KLHL25: variants seen among roughly 807,000 people sequenced by gnomAD.
KLHL25 encodes kelch like family member 25.
KLHL25 carries 41 observed loss-of-function variants against 30.0 expected under a neutral mutation model. The ratio of observed to expected loss-of-function variants is 1.37; its 90% confidence interval spans 1.07 to 1.78. KLHL25 has a LOEUF of 1.78. Among genes scored for constraint, KLHL25 ranks in the 40% most tolerant of loss-of-function variants. The pLI, the probability that KLHL25 is intolerant of heterozygous loss-of-function variation, is 0.00. For missense variants in KLHL25, 971 were observed against 824.5 expected (o/e 1.18, Z -2.18); for synonymous variants, 399 against 355.3 (o/e 1.12, Z -1.38).
At chr15:85,776,444 G>A (rs760269162) in intron 1 of KLHL25, among the ~76,000 whole-genome samples, 4 of 140,610 alleles carry the variant, frequency 2.8e-5, no homozygotes, top group Non-Finnish European at 1.6e-5. Flanking sequence ...AGCCAAGATC[G>A]TGCCACTGCA....
intron 1 of KLHL25, among the ~76,000 whole-genome samples, chr15:85,774,817 T>A (rs769803271): frequency 8.6e-5 from 13 of 151,810 alleles, no homozygotes; most frequent in Non-Finnish European, 1.3e-4. Flanking sequence ...CCAATCCGTA[T>A]GGCCCCCTGG....
chr15:85,779,683 T>A (rs2089731741), intron 1 of KLHL25, among the ~76,000 whole-genome samples: 2 of 152,344 alleles, frequency 1.3e-5, no homozygotes, highest in South Asian at 4.1e-4. Context: ...GTTGCCATTT[T>A]CCTATTCTGC....
intron 1 of KLHL25, among the ~76,000 whole-genome samples, chr15:85,777,699 C>T (rs1051749643): frequency 2.6e-5 from 4 of 152,202 alleles, no homozygotes; most frequent in Admixed American, 6.5e-5. Context: ...TTGAGAGGGA[C>T]GCCTTCTCCA....
chr15:85,793,511 G>A (rs2089830385), intron 1 of KLHL25, among the ~76,000 whole-genome samples: 1 of 152,074 alleles, frequency 6.6e-6, no homozygotes, highest in Admixed American at 6.5e-5. Flanking sequence ...AGACCCCCAC[G>A]CAAGCCTTCA....
chr15:85,775,523 C>T (rs999998875), intron 1 of KLHL25, among the ~76,000 whole-genome samples: 2 of 152,122 alleles, frequency 1.3e-5, no homozygotes, highest in Non-Finnish European at 2.9e-5. Context: ...AACACACAGC[C>T]GCAAGGACCT....
chr15:85,780,407 C>T (rs1170840499), intron 1 of KLHL25, among the ~76,000 whole-genome samples: 10 of 152,218 alleles, frequency 6.6e-5, no homozygotes, highest in Non-Finnish European at 1.3e-4. Context: ...AGGATTCCCC[C>T]TCTATGGCAG....
At chr15:85,783,631 G>A (rs928437287) in intron 1 of KLHL25, among the ~76,000 whole-genome samples, 1 of 150,832 alleles carries the variant, frequency 6.6e-6, no homozygotes, top group African/African-American at 2.4e-5. Context: ...GGTGCAGCTT[G>A]CAGTGAGCTG....
intron 1 of KLHL25, among the ~76,000 whole-genome samples, chr15:85,784,681 G>A (rs183623679): frequency 6.2e-4 from 94 of 152,350 alleles, no homozygotes; most frequent in African/African-American, 2.2e-3. Context: ...GCTGCAGCCA[G>A]CAAGGAAATG....
chr15:85,778,917 T>C (rs112908076), intron 1 of KLHL25, among the ~76,000 whole-genome samples: 2 of 152,114 alleles, frequency 1.3e-5, no homozygotes, highest in Admixed American at 6.6e-5. Flanking sequence ...CTGGTCCTAG[T>C]AGGGAGCAGC....
rs746084819 is a variant in KLHL25 at position 85,769,687 on chromosome 15, G to A, written c.124C>T (p.His42Tyr). Residue 42 changes from histidine to tyrosine, a missense_variant, in exon 2 of 3, where the codon CAC becomes TAC. Coordinates refer to ENST00000337975, the MANE Select transcript of KLHL25 (RefSeq NM_022480.4). The stretch of plus-strand genomic sequence containing the variant: ...AGTGTGACGTCGGTGAACATGCAGT[G>A]CTTGCGAAGCGTGTTGAGGTGGGCC... ...VLAHLNTLRK[H>Y]CMFTDVTLWA... 6.8e-6 allele frequency: 11 copies of A among 1,613,834 alleles called. No individual in the cohort carries two copies. Among genetic ancestry groups the A allele is most frequent in the Non-Finnish European group, 9.3e-6 (11 of 1,180,054 alleles).
At chr15:85,785,092 T>C (rs1421890763) in intron 1 of KLHL25, among the ~76,000 whole-genome samples, 4 of 143,626 alleles carry the variant, frequency 2.8e-5, no homozygotes, top group South Asian at 4.5e-4. Context: ...TATTTCTTTT[T>C]TCTTTTTTTT....
At position 85,769,622 on chromosome 15, in the gene KLHL25, C is replaced by A. The variant is rs543210012; in HGVS notation, c.189G>T (p.Val63=). ...CAAAATAGCGGCTAGAGGCGGCCAG[C>A]ACGGCACGGTGACAGGGGAAGGCAC... ...GDRAFPCHRA[V]LAASSRYFEA... The change falls in exon 2 of 3, where the codon GTG becomes GTT. Residue 63 remains valine (V), a synonymous_variant. Coordinates refer to ENST00000337975, the MANE Select transcript of KLHL25 (RefSeq NM_022480.4). 1 of 1,613,220 alleles carries A rather than the reference C, an allele frequency of 6.2e-7. No individual in the cohort carries two copies. The highest frequency in any genetic ancestry group is 2.2e-5 in the East Asian group (1 of 44,878).
rs530010528 is a variant in KLHL25 at position 85,759,378 on chromosome 15, T to C, written c.*1658A>G. On this transcript the variant is annotated 3_prime_UTR_variant, in exon 3 of 3. Transcript: ENST00000337975. ...AAAACTGATAAAAGCAACACAACTT[T>C]TGGGGAAAGCACCATGGCACGTCCT... 6 of 152,664 alleles carry C rather than the reference T, an allele frequency of 3.9e-5. No homozygotes were observed. The East Asian group carries it at 9.6e-4, about 25-fold the overall frequency. The allele number at this position is 152,664 out of a possible 1,614,324, so 9.5% of individuals were successfully genotyped here.
At chr15:85,781,656 C>T (rs924796915) in intron 1 of KLHL25, among the ~76,000 whole-genome samples, 2 of 152,022 alleles carry the variant, frequency 1.3e-5, no homozygotes, top group Non-Finnish European at 2.9e-5. Flanking sequence ...CTAATTTTTT[C>T]TATTTTTAGT....
Position 85,768,228 on chromosome 15 carries a change from C to G in KLHL25, c.1583G>C (p.Arg528Pro). ...GGAAGCCAGGGCATGGCAGGACATGCGCTTGGCAGTCATGTCCCCAATCCG... is the reference window on the plus strand; with the variant it reads ...GGAAGCCAGGGCATGGCAGGACATGGGCTTGGCAGTCATGTCCCCAATCCG... ...WTRIGDMTAK[R>P]MSCHALASGN... The change falls in exon 2 of 3, where the codon CGC (arginine) becomes CCC (proline). Residue 528 changes from arginine (R) to proline (P), a missense_variant. By Grantham distance (103) the Arg-to-Pro change is moderately radical. Coordinates refer to ENST00000337975, the MANE Select transcript of KLHL25 (RefSeq NM_022480.4). The G allele has an allele frequency of 1.2e-6, 2 of 1,614,162 alleles. No homozygotes were observed. The highest frequency in any genetic ancestry group is 2.2e-5 in the East Asian group (1 of 44,886).
chr15:85,773,647 C>G (rs977274960), intron 1 of KLHL25, among the ~76,000 whole-genome samples: 1 of 152,158 alleles, frequency 6.6e-6, no homozygotes, highest in Admixed American at 6.5e-5. Flanking sequence ...GTGATGGGGC[C>G]TACACCCAGG....
intron 1 of KLHL25, among the ~76,000 whole-genome samples, chr15:85,773,451 C>A (rs2151808938): frequency 6.6e-6 from 1 of 152,344 alleles, no homozygotes; most frequent in Non-Finnish European, 1.5e-5. Context: ...CACAATGCCG[C>A]CTCCTCCTCG....
intron 1 of KLHL25, among the ~76,000 whole-genome samples, chr15:85,784,469 T>C (rs1464496129): frequency 1.3e-5 from 2 of 152,116 alleles, no homozygotes; most frequent in East Asian, 3.9e-4. Flanking sequence ...AGGCAGAGGT[T>C]GCAGTGAGCT....
intron 1 of KLHL25, among the ~76,000 whole-genome samples, chr15:85,773,881 A>G (rs1430867780): frequency 1.3e-5 from 2 of 151,966 alleles, no homozygotes; most frequent in African/African-American, 4.8e-5. Flanking sequence ...TTAAGGACTC[A>G]CAGGGTCATC....
Sources: gnomAD v4.1 joint callset for allele counts (sites outside exome capture counted in the v4.1 genomes callset) on GRCh38, gnomAD v4.1.1 for gene constraint, MANE v1.5 for transcripts, NCBI Gene and HGNC (gene_info 2026-07-23, HGNC 2026-07-21) for gene names.